Variants in FANCD2 observed in about 807,000 individuals in gnomAD.
FANCD2 encodes the protein Fanconi anemia group D2 protein.
Under a neutral mutation model 192.3 loss-of-function variants are expected in FANCD2, and 131 were observed. The ratio of observed to expected loss-of-function variants is 0.68; its 90% CI spans 0.59 to 0.79. The LOEUF (loss-of-function observed/expected upper bound fraction) is 0.79. Among genes scored for constraint, FANCD2 ranks in the 30% least tolerant of loss-of-function variants. The pLI, the probability that FANCD2 is intolerant of heterozygous loss-of-function variation, is 0.00. For missense variants in FANCD2, 1,508 were observed against 1,701.6 expected (o/e 0.89, Z 2.00); for synonymous variants, 524 against 612.5 (o/e 0.86, Z 2.13).
intron 16 of FANCD2, among the ~76,000 whole-genome samples, chr3:10,049,022 A>G (rs1200272886): frequency 2.6e-5 from 4 of 151,908 alleles, no homozygotes; most frequent in Non-Finnish European, 5.9e-5. Flanking sequence ...CTTGAGTGCC[A>G]TCTTTTTGAG....
At chr3:10,045,194 G>A (rs2086970355) in intron 14 of FANCD2, among the ~76,000 whole-genome samples, 1 of 126,110 alleles carries the variant, frequency 7.9e-6, no homozygotes, top group Non-Finnish European at 1.7e-5. Flanking sequence ...TTTGAGACGG[G>A]TTCTCACTCT....
intron 26 of FANCD2, among the ~76,000 whole-genome samples, chr3:10,069,484 C>CCCT (rs2087814202): frequency 2.1e-5 from 3 of 140,708 alleles, no homozygotes; most frequent in African/African-American, 6.0e-5. Flanking sequence ...CCTCCCCCTC[C>CCCT]CCCTCTCCCG....
At chr3:10,077,564 A>T (rs7615062) in intron 29 of FANCD2, among the ~76,000 whole-genome samples, 4,596 of 151,368 alleles carry the variant, frequency 0.03, 237 homozygotes, top group African/African-American at 0.11. Context: ...CAAAAAAAAA[A>T]TTTTTTTTTC....
chr3:10,085,793 C>A lies in FANCD2; in HGVS notation c.3225-19C>A. On this transcript the variant is annotated intron_variant, in intron 32 of 43. Coordinates refer to ENST00000675286, the MANE Select transcript of FANCD2 (RefSeq NM_001018115.3). The stretch of plus-strand genomic sequence containing the variant: ...TTTTCCAGAAACTAAGCTAACCCCT[C>A]TTACCTTGACTTCCTTAGGAGTGGA... 1 of 1,546,474 alleles carries A rather than the reference C, an allele frequency of 6.5e-7. No homozygotes were observed. The highest frequency in any genetic ancestry group is 1.1e-5 in the South Asian group (1 of 89,766).
rs1695294110 is a variant in FANCD2 at position 10,101,410 on chromosome 3, G to A, written c.*148G>A. On this transcript the variant is annotated 3_prime_UTR_variant, in exon 44 of 44. Transcript: ENST00000675286. ...TTTTTTTTTTTTTTTTTTAAAGACG[G>A]GGACTCGCTGTGTTTCCCAGGCTGG... 3 of 604,654 alleles carry A rather than the reference G, an allele frequency of 5.0e-6. No individual in the cohort carries two copies. Among genetic ancestry groups the A allele is most frequent in the Admixed American group, 5.8e-5 (2 of 34,770 alleles). The allele number at this position is 604,654 out of a possible 1,614,324, so 37.5% of individuals were successfully genotyped here.
chr3:10,041,826 C>A, intron 10 of FANCD2, 116 bp downstream of exon 10: 9 of 718,282 alleles, frequency 1.3e-5, no homozygotes, highest in East Asian at 2.8e-5. Flanking sequence ...CATAGTGAAT[C>A]ACATTTGATA....
intron 26 of FANCD2, among the ~76,000 whole-genome samples, chr3:10,067,598 G>A (rs1018288551): frequency 6.6e-6 from 1 of 152,198 alleles, no homozygotes; most frequent in African/African-American, 2.4e-5. Context: ...AGGAATTCGA[G>A]ACCAGCCTGG....
chr3:10,036,977 A>G (rs1553607382), intron 7 of FANCD2, among the ~76,000 whole-genome samples: 2 of 150,378 alleles, frequency 1.3e-5, no homozygotes, highest in African/African-American at 2.4e-5. Flanking sequence ...CTGGGACTAC[A>G]GGTGTGCGCC....
At chr3:10,038,045 C>T (rs996421649) in intron 7 of FANCD2, among the ~76,000 whole-genome samples, 2 of 152,174 alleles carry the variant, frequency 1.3e-5, no homozygotes, top group Admixed American at 1.3e-4. Context: ...GGCTAGAGTA[C>T]AGTGGTGCGA....
intron 29 of FANCD2, 125 bp from the exon 30 acceptor site, chr3:10,077,956 C>G: frequency 2.6e-6 from 2 of 760,080 alleles, no homozygotes; most frequent in South Asian, 2.7e-5. Flanking sequence ...ATAACTTGGG[C>G]CCAGGAGTTC....
rs1049401642 is a variant in FANCD2 at position 10,041,496 on chromosome 3, C to A, written c.696-127C>A. On this transcript the variant is annotated intron_variant, in intron 9 of 43. Transcript: ENST00000675286. The stretch of plus-strand genomic sequence containing the variant: ...AATTTTTAAAGAAACATACTATAAA[C>A]GGTAACTTAATGGCAACTAAGTATG... The A allele has an allele frequency of 1.3e-5, 9 of 706,006 alleles. No homozygotes were observed. The East Asian group carries it at 2.1e-4, about 17-fold the overall frequency. 43.7% of individuals were successfully genotyped at this position (706,006 alleles called of 1,614,324 possible).
intron 26 of FANCD2, among the ~76,000 whole-genome samples, chr3:10,069,859 A>G (rs1410934734): frequency 1.3e-5 from 2 of 152,146 alleles, no homozygotes; most frequent in Admixed American, 6.5e-5. Context: ...AAGTGCCGAG[A>G]TTGCAGCCTC....
At chr3:10,045,500 C>A (rs1285334766) in intron 14 of FANCD2, 1 of 151,524 alleles carries the variant, frequency 6.6e-6, no homozygotes, top group African/African-American at 2.4e-5. Flanking sequence ...GTGTAATATT[C>A]CAAAAATTAA....
chr3:10,075,403 T>C (rs1394483011), intron 29 of FANCD2, among the ~76,000 whole-genome samples: 1 of 152,180 alleles, frequency 6.6e-6, no homozygotes, highest in Non-Finnish European at 1.5e-5. Context: ...GCCAGGATGG[T>C]CTCGATCTCC....
At chr3:10,059,125 C>T (rs1434177404) in intron 18 of FANCD2, among the ~76,000 whole-genome samples, 2 of 152,098 alleles carry the variant, frequency 1.3e-5, no homozygotes, top group African/African-American at 4.8e-5. Context: ...GTGATCCTCC[C>T]ACCCCAGCCT....
At chr3:10,090,443 A>ATTTTTTTTTTTTT in intron 37 of FANCD2, 58 bp downstream of exon 37, 1 of 340,200 alleles carries the variant, frequency 2.9e-6, no homozygotes, top group Non-Finnish European at 5.2e-6. Flanking sequence ...GAAGTTGCTG[A>ATTTTTTTTTTTTT]TTTTTTTTTT....
chr3:10,077,859 A>G (rs1446587790), intron 29 of FANCD2, among the ~76,000 whole-genome samples: 1 of 151,860 alleles, frequency 6.6e-6, no homozygotes, highest in Non-Finnish European at 1.5e-5. Flanking sequence ...GTGAGACCTC[A>G]TTTCTTATTA....
chr3:10,062,728 T>G (rs1422558239), intron 20 of FANCD2, among the ~76,000 whole-genome samples: 1 of 152,040 alleles, frequency 6.6e-6, no homozygotes, highest in Non-Finnish European at 1.5e-5. Flanking sequence ...TATTTATTTT[T>G]AGATGGAGTC....
rs768937298 is a variant in FANCD2, at chr3:10,101,285, C to T, written c.*23C>T. Reference sequence around the variant, plus strand: ...TAGACCCCAGATAAATTGTTGCCTGCTTCTGTGTCTCTGCCAGCCTGTGAT... The same window carrying T: ...TAGACCCCAGATAAATTGTTGCCTGTTTCTGTGTCTCTGCCAGCCTGTGAT... On this transcript the variant is annotated 3_prime_UTR_variant, in exon 44 of 44. Transcript: ENST00000675286. The T allele has an allele frequency of 2.0e-6, 3 of 1,535,246 alleles. No individual in the cohort carries two copies. The highest frequency in any genetic ancestry group is 2.7e-6 in the Non-Finnish European group (3 of 1,108,274).
Sources: gnomAD v4.1 joint callset for allele counts (sites outside exome capture counted in the v4.1 genomes callset) on GRCh38, gnomAD v4.1.1 for gene constraint, MANE v1.5 for transcripts, NCBI Gene and HGNC (gene_info 2026-07-23, HGNC 2026-07-21) for gene names.